UVRAG: variants seen among roughly 807,000 people sequenced by gnomAD.
The protein encoded by UVRAG is UV radiation resistance associated.
Under a neutral mutation model 78.0 loss-of-function variants are expected in UVRAG, and 19 were observed. The ratio of observed to expected loss-of-function variants is 0.24; its 90% confidence interval spans 0.17 to 0.36. The LOEUF (loss-of-function observed/expected upper bound fraction) is 0.36, where lower values mean the gene tolerates loss of function less well. UVRAG is among the 10% of genes least tolerant of loss of function. The probability of loss-of-function intolerance (pLI) is 1.00; values close to 1 mark genes in which losing one functional copy is unlikely to be tolerated. For synonymous variants in UVRAG, 323 were observed against 324.6 expected (o/e 1.00, Z 0.05); for missense variants, 740 against 853.8 (o/e 0.87, Z 1.66).
intron 13 of UVRAG, among the ~76,000 whole-genome samples, chr11:76,075,988 T>C (rs1470905287): frequency 6.6e-6 from 1 of 152,218 alleles, no homozygotes; most frequent in Non-Finnish European, 1.5e-5. Flanking sequence ...TATTTATCCA[T>C]TTACGAGTTG....
chr11:76,119,524 C>G (rs1357923077), intron 14 of UVRAG, among the ~76,000 whole-genome samples: 1 of 152,288 alleles, frequency 6.6e-6, no homozygotes, highest in Middle Eastern at 3.4e-3. Context: ...TCAGCCTCAA[C>G]ACAGCTAAAA....
chr11:75,886,425 A>G (rs1947080398), intron 4 of UVRAG, among the ~76,000 whole-genome samples: 1 of 152,226 alleles, frequency 6.6e-6, no homozygotes, highest in South Asian at 2.1e-4. Flanking sequence ...ACCATTGTTA[A>G]CATTTTGGTG....
chr11:76,105,399 T>G (rs1451105118), intron 13 of UVRAG, among the ~76,000 whole-genome samples: 1 of 151,758 alleles, frequency 6.6e-6, no homozygotes, highest in Non-Finnish European at 1.5e-5. Flanking sequence ...AGCAATACCT[T>G]GTCTTAAAAA....
chr11:76,141,403 C>G lies in UVRAG; in HGVS notation c.2090C>G (p.Ser697Cys), dbSNP rs1357039130. 6.2e-7 allele frequency: 1 copy of G among 1,612,414 alleles called. No individual in the cohort carries two copies. Among genetic ancestry groups the G allele is most frequent in the African/African-American group, 1.3e-5 (1 of 74,916 alleles). Residue 697 changes from serine to cysteine, a missense_variant, in exon 15 of 15, where the codon TCC becomes TGC. Ser to Cys is a moderately radical substitution (Grantham distance 112). Coordinates refer to ENST00000356136, the MANE Select transcript of UVRAG (RefSeq NM_003369.4). ...AGCTTCCGCCGGCCGCGCAGGAGTT[C>G]CGATAAGTGAAGTGAGCAGGTCAAC... ...VSSFRRPRRS[S>C]DK
chr11:76,060,010 G>A (rs1158601419), intron 12 of UVRAG, among the ~76,000 whole-genome samples: 1 of 152,222 alleles, frequency 6.6e-6, no homozygotes, highest in Non-Finnish European at 1.5e-5. Flanking sequence ...CTCTGAAGGT[G>A]AAGGCAAGAA....
chr11:75,942,857 G>A (rs1018410400), intron 6 of UVRAG, among the ~76,000 whole-genome samples: 1 of 152,064 alleles, frequency 6.6e-6, no homozygotes, highest in East Asian at 1.9e-4. Flanking sequence ...CAGCATGAAA[G>A]GTCCTTTGTA....
At chr11:75,862,770 C>A (rs1177914317) in intron 3 of UVRAG, among the ~76,000 whole-genome samples, 1 of 152,174 alleles carries the variant, frequency 6.6e-6, no homozygotes, top group Non-Finnish European at 1.5e-5. Flanking sequence ...GTTGGAAACT[C>A]TTGCTTGCTT....
At chr11:75,866,424 G>GTA (rs1211441603) in intron 3 of UVRAG, among the ~76,000 whole-genome samples, 1 of 151,864 alleles carries the variant, frequency 6.6e-6, no homozygotes, top group Non-Finnish European at 1.5e-5. Flanking sequence ...GTGCATACGT[G>GTA]TAGTTCCCTG....
At chr11:76,056,052 A>G (rs1950979282) in intron 12 of UVRAG, among the ~76,000 whole-genome samples, 1 of 152,200 alleles carries the variant, frequency 6.6e-6, no homozygotes, top group African/African-American at 2.4e-5. Context: ...GTTCCATCAA[A>G]TACATAGGCA....
At chr11:75,861,722 T>C (rs747801542) in intron 2 of UVRAG, 24 bp from the exon 3 acceptor site, 9 of 1,560,308 alleles carry the variant, frequency 5.8e-6, no homozygotes, top group Non-Finnish European at 7.9e-6. Flanking sequence ...ATATCACTTA[T>C]TGTTCTTTTT....
At chr11:76,092,345 A>G (rs543771870) in intron 13 of UVRAG, among the ~76,000 whole-genome samples, 3 of 152,312 alleles carry the variant, frequency 2.0e-5, no homozygotes, top group East Asian at 1.9e-4. Flanking sequence ...TCCTTTGGGT[A>G]TATACCCAGT....
intron 12 of UVRAG, among the ~76,000 whole-genome samples, chr11:76,039,922 A>G (rs917988701): frequency 5.3e-5 from 8 of 152,192 alleles, no homozygotes; most frequent in African/African-American, 1.7e-4. Flanking sequence ...TTTATCAAAG[A>G]AAAATATAAA....
chr11:76,024,173 C>A (rs1007025679), intron 12 of UVRAG, among the ~76,000 whole-genome samples: 2 of 152,116 alleles, frequency 1.3e-5, no homozygotes, highest in Non-Finnish European at 2.9e-5. Context: ...AATCACTTTG[C>A]GAGCTTGCAG....
intron 7 of UVRAG, among the ~76,000 whole-genome samples, chr11:75,982,072 A>G (rs1317715277): frequency 1.3e-5 from 2 of 150,162 alleles, no homozygotes; most frequent in African/African-American, 4.9e-5. Context: ...TTTGTTTGGC[A>G]TTTTCCTGGT....
chr11:76,107,658 G>A lies in UVRAG; in HGVS notation c.1306-8266G>A, dbSNP rs115217361. Among the ~76,000 whole-genome samples the A allele has an allele frequency of 5.0e-3, 761 of 152,204 alleles. 9 individuals are homozygous for A. Among genetic ancestry groups the A allele is most frequent in the African/African-American group, 0.018 (735 of 41,522 alleles). ...TCGAGTTTTTATATTTTTCCTTAGA[G>A]GTATATATTGCAATGACTCACTGTA... is the stretch of plus-strand genomic sequence containing the variant. On this transcript the variant is annotated intron_variant, in intron 13 of 14. Transcript: ENST00000356136.
At chr11:76,111,908 A>T (rs909056701) in intron 13 of UVRAG, among the ~76,000 whole-genome samples, 3 of 116,684 alleles carry the variant, frequency 2.6e-5, no homozygotes, top group South Asian at 2.3e-4. Context: ...CTCTAATATT[A>T]AAAAAAAAAG....
intron 8 of UVRAG, among the ~76,000 whole-genome samples, chr11:75,994,949 C>G (rs569257968): frequency 2.2e-4 from 34 of 152,282 alleles, no homozygotes; most frequent in African/African-American, 7.7e-4. Context: ...TGTCCTTAGA[C>G]AGGTCTTTCA....
chr11:75,941,387 G>A (rs1485888578), intron 6 of UVRAG, among the ~76,000 whole-genome samples: 1 of 151,924 alleles, frequency 6.6e-6, no homozygotes, highest in Non-Finnish European at 1.5e-5. Context: ...TTTCTAAAAA[G>A]CCTTCTTTAA....
chr11:76,074,962 T>C (rs1951378111), intron 13 of UVRAG, among the ~76,000 whole-genome samples: 1 of 152,200 alleles, frequency 6.6e-6, no homozygotes, highest in Admixed American at 6.5e-5. Flanking sequence ...TGGGAACCCC[T>C]GTTCTGCCAA....
Sources: allele counts gnomAD v4.1 joint callset (sites outside exome capture counted in the v4.1 genomes callset), GRCh38; gene constraint gnomAD v4.1.1; transcripts MANE v1.5; gene names NCBI Gene and HGNC (gene_info 2026-07-23, HGNC 2026-07-21).